PTP4A1: variants seen among roughly 807,000 people sequenced by gnomAD.
The protein encoded by PTP4A1 is protein tyrosine phosphatase type IVA 1.
A neutral mutation model predicts 20.5 loss-of-function variants in PTP4A1; 9 were observed. The ratio of observed to expected loss-of-function variants is 0.44; its 90% CI spans 0.26 to 0.77. PTP4A1 has a LOEUF of 0.77. PTP4A1 is among the 30% of genes least tolerant of loss of function. The pLI is 0.19. For synonymous variants in PTP4A1, 78 were observed against 67.4 expected (o/e 1.16, Z -0.77); for missense variants, 137 against 218.8 (o/e 0.63, Z 2.36).
upstream of PTP4A1, among the ~76,000 whole-genome samples, chr6:63,521,099 G>C (rs1774909144): frequency 6.6e-6 from 1 of 152,082 alleles, no homozygotes; most frequent in African/African-American, 2.4e-5. Flanking sequence ...GGGGGAAAAG[G>C]GGAGGGAGAG....
upstream of PTP4A1, among the ~76,000 whole-genome samples, chr6:63,569,615 T>A (rs1200471351): frequency 6.6e-6 from 1 of 152,198 alleles, no homozygotes; most frequent in African/African-American, 2.4e-5. Flanking sequence ...CTGCTGGCTT[T>A]TATATTTTGA....
In PTP4A1 at chr6:63,583,385, A is replaced by G. The variant is rs1778370467; in HGVS notation, c.*3211A>G. ...AAGACTGGTTTAAAAGTGGTTTAAAAGTGACATTTAATGTTTCTCCATTAC... is the reference window on the plus strand; with the variant it reads ...AAGACTGGTTTAAAAGTGGTTTAAAGGTGACATTTAATGTTTCTCCATTAC... On this transcript the variant is annotated 3_prime_UTR_variant, in exon 6 of 6. Transcript: ENST00000626021. The G allele has an allele frequency of 6.6e-6, 1 of 152,220 alleles. No individual in the cohort carries two copies. The highest frequency in any genetic ancestry group is 2.4e-5 in the African/African-American group (1 of 41,454). The allele number at this position is 152,220 out of a possible 1,614,324, so 9.4% of individuals were successfully genotyped here.
At chr6:63,526,297 C>T (rs993787268) in intron 1 of PTP4A1, among the ~76,000 whole-genome samples, 5 of 151,998 alleles carry the variant, frequency 3.3e-5, no homozygotes, top group East Asian at 1.9e-4. Context: ...TGCACTCCAG[C>T]CTGGGTAACA....
At chr6:63,574,805 T>G (rs573340714) in intron 1 of PTP4A1, among the ~76,000 whole-genome samples, 1 of 152,282 alleles carries the variant, frequency 6.6e-6, no homozygotes, top group African/African-American at 2.4e-5. Context: ...GAGGTTGTAT[T>G]TAGAATTTGG....
chr6:63,529,517 C>T (rs1295817433), intron 2 of PTP4A1, among the ~76,000 whole-genome samples: 1 of 152,148 alleles, frequency 6.6e-6, no homozygotes, highest in Non-Finnish European at 1.5e-5. Context: ...TTCTAACAAC[C>T]TAGCCTTCCT....
intron 2 of PTP4A1, 69 bp downstream of exon 2, chr6:63,577,054 A>G (rs1487042945): frequency 1.0e-5 from 13 of 1,266,706 alleles, no homozygotes; most frequent in Non-Finnish European, 1.4e-5. Flanking sequence ...AGCTAACAAA[A>G]TAAAAACTAC....
At chr6:63,535,611 C>A (rs910104441) in intron 2 of PTP4A1, among the ~76,000 whole-genome samples, 1 of 152,000 alleles carries the variant, frequency 6.6e-6, no homozygotes, top group Non-Finnish European at 1.5e-5. Context: ...TATGAGGTAT[C>A]GAATGTTAAT....
intron 2 of PTP4A1, among the ~76,000 whole-genome samples, chr6:63,530,947 G>A (rs1435398245): frequency 1.3e-5 from 2 of 152,080 alleles, no homozygotes; most frequent in Non-Finnish European, 2.9e-5. Flanking sequence ...TTAGAAAAAT[G>A]AGCACTATTT....
chr6:63,520,589 C>T (rs552046494), upstream of PTP4A1, among the ~76,000 whole-genome samples: 1 of 151,410 alleles, frequency 6.6e-6, no homozygotes, highest in East Asian at 1.9e-4. Flanking sequence ...CAAGATCATG[C>T]CACTTCACTC....
Position 63,578,530 on chromosome 6 carries a change from G to A in PTP4A1, c.198+1G>A. The A allele has an allele frequency of 1.2e-6, 2 of 1,610,492 alleles. No homozygotes were observed. Among genetic ancestry groups the A allele is most frequent in the Non-Finnish European group, 1.7e-6 (2 of 1,178,876 alleles). The stretch of plus-strand genomic sequence containing the variant: ...GGAGAAAGAAGGTATCCATGTTCTT[G>A]TAAGTATTTAACAGTTCTTATGGGT... On this transcript the variant is annotated splice_donor_variant, in intron 3 of 5. Transcript: ENST00000626021. LOFTEE classifies it high-confidence loss of function.
intron 1 of PTP4A1, among the ~76,000 whole-genome samples, chr6:63,522,865 T>A (rs995176736): frequency 1.1e-4 from 6 of 55,096 alleles, no homozygotes; most frequent in African/African-American, 3.7e-4. Flanking sequence ...TAAATCACTT[T>A]TTTTTTTTTT....
At chr6:63,571,466 A>C (rs577159518), upstream of PTP4A1, 1 of 152,366 alleles carries the variant, frequency 6.6e-6, no homozygotes, top group South Asian at 2.1e-4. Flanking sequence ...CTTGTATGGC[A>C]CAGAATTGCG....
At chr6:63,540,556 G>C (rs536915291) in intron 2 of PTP4A1, among the ~76,000 whole-genome samples, 7 of 152,072 alleles carry the variant, frequency 4.6e-5, no homozygotes, top group African/African-American at 1.4e-4. Context: ...AGGAGGCGGA[G>C]GTTGCAGTAA....
intron 1 of PTP4A1, among the ~76,000 whole-genome samples, chr6:63,575,946 C>G (rs959434461): frequency 1.3e-5 from 2 of 151,912 alleles, no homozygotes; most frequent in African/African-American, 4.8e-5. Flanking sequence ...TTATGCAAGA[C>G]TAATAACTTC....
chr6:63,580,025 C>T (rs1457626168), intron 5 of PTP4A1, 32 bp from the exon 6 acceptor site: 2 of 1,497,356 alleles, frequency 1.3e-6, no homozygotes, highest in Non-Finnish European at 1.8e-6. Context: ...GGGCTTTTGC[C>T]TTGTTTCATT....
At position 63,580,728 on chromosome 6, in the gene PTP4A1, A is replaced by ATT. The variant is rs113906878; in HGVS notation, c.*568_*569dup. 145 of 141,084 alleles carry ATT rather than the reference A, an allele frequency of 1.0e-3. No homozygotes were observed. The highest frequency in any genetic ancestry group is 1.6e-3 in the Non-Finnish European group (105 of 64,156). The allele number at this position is 141,084 out of a possible 1,614,324, so 8.7% of individuals were successfully genotyped here. A position where few individuals can be genotyped will look rare whatever the true frequency, so the allele number is the denominator to read the frequency against. On this transcript the variant is annotated 3_prime_UTR_variant, in exon 6 of 6. Transcript: ENST00000626021. ...ATACGTCAGGTTTGCTTAACCATTGATTTTTTTTTTTTTTTACCAAGTCTT... is the reference window on the plus strand; with the variant it reads ...ATACGTCAGGTTTGCTTAACCATTGATTTTTTTTTTTTTTTTTACCAAGTCTT...
At chr6:63,565,868 T>C (rs1290518029) in intron 3 of PTP4A1, among the ~76,000 whole-genome samples, 4 of 152,244 alleles carry the variant, frequency 2.6e-5, no homozygotes, top group African/African-American at 9.6e-5. Flanking sequence ...AAGTCACTTT[T>C]TAATATAGAG....
intron 1 of PTP4A1, among the ~76,000 whole-genome samples, chr6:63,575,865 GTC>G (rs1255202367): frequency 3.3e-5 from 5 of 152,132 alleles, no homozygotes; most frequent in Admixed American, 3.3e-4. Context: ...ACTTAAATCA[GTC>G]TAAGAAAAGG....
In PTP4A1 at chr6:63,527,820, G is replaced by A. The variant is rs577092662; in HGVS notation, c.-904G>A. ...CAGATTGCTCTTTTTCCTCTGCAGA[G>A]ACTTGCTTCAACACCAGGAAGAACA... On this transcript the variant is annotated splice_region_variant and 5_prime_UTR_variant, in exon 2 of 4. Transcript: ENST00000639568. 6 of 152,320 alleles carry A rather than the reference G, an allele frequency of 3.9e-5. No individual in the cohort carries two copies. In the South Asian group the frequency reaches 1.2e-3, roughly 32 times the overall value. The allele number at this position is 152,320 out of a possible 1,614,324, so 9.4% of individuals were successfully genotyped here.
Sources: gnomAD v4.1 joint callset for allele counts (sites outside exome capture counted in the v4.1 genomes callset) on GRCh38, gnomAD v4.1.1 for gene constraint, MANE v1.5 for transcripts, NCBI Gene and HGNC (gene_info 2026-07-23, HGNC 2026-07-21) for gene names.